The following RGS8 variants were observed in gnomAD, a reference collection of about 807,000 sequenced individuals.
RGS8 encodes the protein regulator of G-protein signaling 8.
RGS8 carries 8 observed loss-of-function variants against 21.7 expected under a neutral mutation model. The ratio of observed to expected loss-of-function variants is 0.37; its 90% CI spans 0.22 to 0.66. The LOEUF is 0.66. Among genes scored for constraint, RGS8 ranks in the 30% least tolerant of loss-of-function variants. The pLI, the probability that RGS8 is intolerant of heterozygous loss-of-function variation, is 0.59. For synonymous variants in RGS8, 80 were observed against 83.6 expected (o/e 0.96, Z 0.24); for missense variants, 157 against 217.9 (o/e 0.72, Z 1.76).
chr1:182,663,383 G>T (rs972834583), intron 5 of RGS8, among the ~76,000 whole-genome samples: 1 of 152,114 alleles, frequency 6.6e-6, no homozygotes, highest in East Asian at 1.9e-4. Flanking sequence ...CTTTCTTTTC[G>T]AAGACATTCA....
chr1:182,712,426 A>G, the RGS8 span, among the ~76,000 whole-genome samples: 1 of 152,196 alleles, frequency 6.6e-6, no homozygotes, highest in Non-Finnish European at 1.5e-5. Context: ...ATTTGACCAT[A>G]AAATCCAGCT....
intron 5 of RGS8, among the ~76,000 whole-genome samples, chr1:182,652,611 G>A (rs1338717442): frequency 6.6e-6 from 1 of 152,222 alleles, no homozygotes; most frequent in African/African-American, 2.4e-5. Context: ...CACTTGTTAT[G>A]TGACTCAGGC....
chr1:182,738,614 C>G, the RGS8 span, among the ~76,000 whole-genome samples: 1 of 152,082 alleles, frequency 6.6e-6, no homozygotes, highest in Non-Finnish European at 1.5e-5. Context: ...CTCTGGGTAC[C>G]CTTTATGGCC....
intron 5 of RGS8, among the ~76,000 whole-genome samples, chr1:182,664,970 T>G (rs1439570084): frequency 6.6e-6 from 1 of 152,218 alleles, no homozygotes; most frequent in African/African-American, 2.4e-5. Context: ...ACCACCCAAC[T>G]ACTTAGTAAC....
the RGS8 span, among the ~76,000 whole-genome samples, chr1:182,720,404 G>A: frequency 6.6e-6 from 1 of 152,186 alleles, no homozygotes; most frequent in Admixed American, 6.5e-5. Context: ...CTATGTAAGA[G>A]TATAGCCTTT....
the RGS8 span, among the ~76,000 whole-genome samples, chr1:182,739,292 A>T: frequency 1.3e-5 from 2 of 152,202 alleles, no homozygotes; most frequent in African/African-American, 4.8e-5. Flanking sequence ...AAAAGAACCC[A>T]AAAGATGGCT....
At chr1:182,722,935 G>A in the RGS8 span, among the ~76,000 whole-genome samples, 3 of 151,816 alleles carry the variant, frequency 2.0e-5, no homozygotes, top group South Asian at 4.2e-4. Context: ...CCCAGATCGC[G>A]CCACTGCACT....
Position 182,669,889 on chromosome 1 carries a change from T to C in RGS8, c.-103-137A>G, listed in dbSNP as rs966925345. The C allele has an allele frequency of 7.1e-6, 7 of 992,472 alleles. No homozygotes were observed. The African/African-American group carries it at 8.2e-5, about 12-fold the overall frequency. 61.5% of individuals were successfully genotyped at this position (992,472 alleles called of 1,614,324 possible). ...CAGCCCCACAAATGTCCACTTGTCC[T>C]TAGCAGGGGCGACAAACCAAGGATG... On this transcript the variant is annotated intron_variant, in intron 2 of 6. Coordinates refer to ENST00000483095, the Ensembl canonical transcript of RGS8.
chr1:182,669,778 A>G (rs1176652730), intron 2 of RGS8, 26 bp from the exon 4 acceptor site: 1 of 1,549,916 alleles, frequency 6.5e-7, no homozygotes, highest in East Asian at 2.3e-5. Flanking sequence ...CTGCTGTAAG[A>G]GGGGCCACCC....
chr1:182,732,849 C>A, the RGS8 span, among the ~76,000 whole-genome samples: 1 of 152,206 alleles, frequency 6.6e-6, no homozygotes, highest in Non-Finnish European at 1.5e-5. Context: ...TTCACCCTGG[C>A]AACTTTGAAG....
chr1:182,709,121 G>A, the RGS8 span, among the ~76,000 whole-genome samples: 3 of 152,178 alleles, frequency 2.0e-5, 1 homozygote, highest in South Asian at 6.2e-4. Context: ...GTATGTGTGG[G>A]TTTTTGTTTT....
the RGS8 span, among the ~76,000 whole-genome samples, chr1:182,739,647 G>A: frequency 6.6e-6 from 1 of 152,088 alleles, no homozygotes; most frequent in East Asian, 1.9e-4. Flanking sequence ...ATAGCCTAGG[G>A]GGAATCGCCA....
In RGS8 at chr1:182,654,596, A is replaced by T. The variant is rs527239284; in HGVS notation, c.194-6293T>A. On this transcript the variant is annotated intron_variant, in intron 5 of 6. Transcript: ENST00000483095. ...AGTCTAGTGTAACCGACATTAAGTG[A>T]TAATTTAAAATAATCAATTGAGTAA... is the stretch of plus-strand genomic sequence containing the variant. 8.5e-5 allele frequency among the ~76,000 whole-genome samples: 13 copies of T among 152,368 alleles called. No individual in the cohort carries two copies. In the South Asian group the frequency reaches 1.4e-3, roughly 17 times the overall value.
chr1:182,716,735 A>G, the RGS8 span, among the ~76,000 whole-genome samples: 1 of 152,128 alleles, frequency 6.6e-6, no homozygotes, highest in Non-Finnish European at 1.5e-5. Context: ...ACTCTTAGCT[A>G]TGATGCAATT....
chr1:182,723,975 A>T, the RGS8 span, among the ~76,000 whole-genome samples: 6 of 151,914 alleles, frequency 3.9e-5, 1 homozygote, highest in Admixed American at 3.3e-4. Context: ...ACGTGGTTGG[A>T]TAATGTGATA....
chr1:182,730,862 T>C, the RGS8 span, among the ~76,000 whole-genome samples: 1 of 152,192 alleles, frequency 6.6e-6, no homozygotes, highest in East Asian at 1.9e-4. Flanking sequence ...AATTCTGAGA[T>C]TCTGATTCAG....
At chr1:182,673,514 G>A (rs575015920), upstream of RGS8, among the ~76,000 whole-genome samples, 4 of 151,958 alleles carry the variant, frequency 2.6e-5, no homozygotes, top group Admixed American at 2.6e-4. Flanking sequence ...GAATTCTCTC[G>A]GTGAAATGAT....
chr1:182,690,528 T>A, the RGS8 span, among the ~76,000 whole-genome samples: 2 of 152,204 alleles, frequency 1.3e-5, no homozygotes, highest in African/African-American at 4.8e-5. Context: ...GGCGAGTCAT[T>A]TAAATTCTTT....
intron 5 of RGS8, among the ~76,000 whole-genome samples, chr1:182,664,120 G>C (rs1311650592): frequency 2.6e-5 from 4 of 152,094 alleles, no homozygotes; most frequent in Non-Finnish European, 2.9e-5. Context: ...TACATTTCTA[G>C]GTCTTGCTAC....
Sources: allele counts gnomAD v4.1 joint callset (sites outside exome capture counted in the v4.1 genomes callset), GRCh38; gene constraint gnomAD v4.1.1; transcripts MANE v1.5; gene names NCBI Gene and HGNC (gene_info 2026-07-23, HGNC 2026-07-21).